The following CALN1 variants were observed in gnomAD, a reference collection of about 807,000 sequenced individuals.
CALN1 encodes the protein calcium-binding protein 8.
A neutral mutation model predicts 30.6 loss-of-function variants in CALN1; 17 were observed. The observed-to-expected ratio is 0.56, with a 90% CI of 0.38 to 0.83. CALN1 has a LOEUF of 0.83. Ranked by LOEUF, CALN1 falls within the 40% of genes least tolerant of loss-of-function variation. The probability of loss-of-function intolerance (pLI) is 0.00; values close to 1 mark genes in which losing one functional copy is unlikely to be tolerated. For synonymous variants in CALN1, 156 were observed against 131.4 expected (o/e 1.19, Z -1.28); for missense variants, 291 against 354.9 (o/e 0.82, Z 1.45).
chr7:72,502,006 C>CAA, the CALN1 span, among the ~76,000 whole-genome samples: 1 of 129,328 alleles, frequency 7.7e-6, no homozygotes, highest in Non-Finnish European at 1.6e-5. Flanking sequence ...TATATATACA[C>CAA]ACATATATAT....
At chr7:72,096,070 T>TAGATAGATAGATAGATAA (rs1806204523) in intron 4 of CALN1, among the ~76,000 whole-genome samples, 3 of 151,554 alleles carry the variant, frequency 2.0e-5, no homozygotes, top group Non-Finnish European at 4.4e-5. Context: ...GATAGATAGA[T>TAGATAGATAGATAGATAA]AGATAGATAG....
intron 5 of CALN1, among the ~76,000 whole-genome samples, chr7:71,822,148 G>T (rs143644669): frequency 1.3e-5 from 2 of 152,270 alleles, no homozygotes; most frequent in East Asian, 3.9e-4. Flanking sequence ...GGATTCTAAA[G>T]AAATCTAATT....
intron 3 of CALN1, among the ~76,000 whole-genome samples, chr7:72,128,692 G>A (rs904088036): frequency 5.9e-5 from 9 of 152,120 alleles, no homozygotes; most frequent in Non-Finnish European, 7.3e-5. Flanking sequence ...CCAACATGGC[G>A]AAGCCCCATC....
intron 3 of CALN1, among the ~76,000 whole-genome samples, chr7:72,266,205 C>G (rs550495909): frequency 3.3e-5 from 5 of 152,044 alleles, no homozygotes; most frequent in African/African-American, 1.2e-4. Flanking sequence ...GTATGAGCAC[C>G]TCTTTCCTCA....
the CALN1 span, among the ~76,000 whole-genome samples, chr7:72,503,856 T>C: frequency 2.9e-4 from 44 of 152,260 alleles, no homozygotes; most frequent in East Asian, 2.5e-3. Flanking sequence ...TGCTAATGCT[T>C]ACCCTACACC....
chr7:72,262,071 C>T (rs1053180459), intron 3 of CALN1, among the ~76,000 whole-genome samples: 1 of 152,196 alleles, frequency 6.6e-6, no homozygotes, highest in East Asian at 1.9e-4. Context: ...TTCCAGTGTG[C>T]TCAACTCAAA....
At chr7:72,334,225 G>T (rs969693978) in intron 2 of CALN1, among the ~76,000 whole-genome samples, 1 of 152,108 alleles carries the variant, frequency 6.6e-6, no homozygotes, top group African/African-American at 2.4e-5. Context: ...CTATCAATTG[G>T]AATTTCTCTC....
rs141246269 is a variant in CALN1, at chr7:71,989,982, G to A, written c.501+33675C>T. The stretch of plus-strand genomic sequence containing the variant: ...GTTGTGTAGGCTTTGAAACCAGGGT[G>A]ACTCCATCTTGAATAGGGGCTGGAT... On this transcript the variant is annotated intron_variant, in intron 5 of 6. Transcript: ENST00000395275. 1.5e-3 allele frequency among the ~76,000 whole-genome samples: 233 copies of A among 152,256 alleles called. 3 individuals carry two copies. Among genetic ancestry groups the A allele is most frequent in the African/African-American group, 5.3e-3 (222 of 41,558 alleles).
intron 5 of CALN1, among the ~76,000 whole-genome samples, chr7:71,971,981 GAAA>G (rs1797855180): frequency 1.0e-5 from 1 of 96,516 alleles, no homozygotes; most frequent in Non-Finnish European, 2.3e-5. Flanking sequence ...AAGAAAGAAA[GAAA>G]GAAAGAAAGA....
At chr7:72,494,146 C>A in the CALN1 span, among the ~76,000 whole-genome samples, 4 of 152,076 alleles carry the variant, frequency 2.6e-5, no homozygotes, top group East Asian at 7.8e-4. Flanking sequence ...GCCATGATTG[C>A]GCCACTGAAC....
chr7:72,028,892 G>C lies in CALN1; in HGVS notation c.389-5123C>G, dbSNP rs941928422. ...TGTAATCCCAGCTACTTGGTAGGCTGAGGCAGGAGAATCGCTTAAGTCTGG... is the reference window on the plus strand; with the variant it reads ...TGTAATCCCAGCTACTTGGTAGGCTCAGGCAGGAGAATCGCTTAAGTCTGG... On this transcript the variant is annotated intron_variant, in intron 4 of 6. Transcript: ENST00000395275. 2.6e-5 allele frequency among the ~76,000 whole-genome samples: 4 copies of C among 152,062 alleles called. No homozygotes were observed. The East Asian group carries it at 7.8e-4, about 30-fold the overall frequency.
rs936250427 is a variant in CALN1, at chr7:72,350,076, G to T, written c.119+53175C>A. On this transcript the variant is annotated intron_variant, in intron 2 of 6. Coordinates refer to ENST00000395275, the MANE Select transcript of CALN1 (RefSeq NM_031468.4). ...TTTTATAGGCCCATAAACCCTTTAGGTTTTATGTTTAAGCCTTCAATCCAG... is the reference window on the plus strand; with the variant it reads ...TTTTATAGGCCCATAAACCCTTTAGTTTTTATGTTTAAGCCTTCAATCCAG... Among the ~76,000 whole-genome samples, 4 of 152,086 alleles carry T rather than the reference G, an allele frequency of 2.6e-5. No homozygotes were observed. The East Asian group carries it at 7.7e-4, about 29-fold the overall frequency.
chr7:71,961,585 C>T (rs1797250097), intron 5 of CALN1, among the ~76,000 whole-genome samples: 2 of 152,270 alleles, frequency 1.3e-5, no homozygotes, highest in South Asian at 4.1e-4. Flanking sequence ...ACTATTAAAA[C>T]AAACAAAAAG....
intron 2 of CALN1, among the ~76,000 whole-genome samples, chr7:72,303,103 A>G (rs951593493): frequency 6.6e-6 from 1 of 152,018 alleles, no homozygotes; most frequent in African/African-American, 2.4e-5. Flanking sequence ...AAGGAATTTT[A>G]CAATTCATAG....
chr7:72,281,593 G>A (rs546083373), intron 2 of CALN1, among the ~76,000 whole-genome samples: 4 of 152,204 alleles, frequency 2.6e-5, no homozygotes, highest in East Asian at 1.9e-4. Context: ...CTTAACCAAC[G>A]TTTAAGTCTT....
chr7:72,401,222 G>A (rs988908118), intron 2 of CALN1, among the ~76,000 whole-genome samples: 3 of 152,104 alleles, frequency 2.0e-5, no homozygotes, highest in South Asian at 2.1e-4. Context: ...AGAACTGAAG[G>A]GCAGGAGGCA....
rs1792714491 is a variant in CALN1 at position 71,781,542 on chromosome 7, C to T, written c.*6233G>A. The T allele has an allele frequency of 6.6e-6, 1 of 152,192 alleles. No homozygotes were observed. The highest frequency in any genetic ancestry group is 1.5e-5 in the Non-Finnish European group (1 of 68,062). The allele number at this position is 152,192 out of a possible 1,614,324, so 9.4% of individuals were successfully genotyped here. The stretch of plus-strand genomic sequence containing the variant: ...CGATCCAGAGAAGACCTTCAGAGGA[C>T]AGCATCTGCAGCCCTTTAAGAACTT... On this transcript the variant is annotated 3_prime_UTR_variant, in exon 7 of 7. Coordinates refer to ENST00000395275, the MANE Select transcript of CALN1 (RefSeq NM_031468.4).
intron 5 of CALN1, among the ~76,000 whole-genome samples, chr7:71,982,470 T>A (rs113278377): frequency 0.013 from 1,993 of 152,196 alleles, 45 homozygotes; most frequent in African/African-American, 0.043. Flanking sequence ...AGTAGGTGCC[T>A]GTAATCCCAG....
chr7:72,219,768 A>G (rs113243358), intron 3 of CALN1, among the ~76,000 whole-genome samples: 1,844 of 152,296 alleles, frequency 0.012, 33 homozygotes, highest in African/African-American at 0.042. Flanking sequence ...GCAGCAGAAT[A>G]GGAAACTGCA....
Sources: gnomAD v4.1 joint callset for allele counts (sites outside exome capture counted in the v4.1 genomes callset) on GRCh38, gnomAD v4.1.1 for gene constraint, MANE v1.5 for transcripts, NCBI Gene and HGNC (gene_info 2026-07-23, HGNC 2026-07-21) for gene names.